The following VPS13A variants were observed in gnomAD, a reference collection of about 807,000 sequenced individuals.
VPS13A encodes the protein intermembrane lipid transfer protein VPS13A.
In VPS13A, 264 loss-of-function variants were observed where a neutral mutation model predicts 390.9. The ratio of observed to expected loss-of-function variants is 0.68; its 90% CI spans 0.61 to 0.75. VPS13A has a LOEUF of 0.75. VPS13A is among the 30% of genes least tolerant of loss of function. VPS13A has a pLI of 0.00. For synonymous variants in VPS13A, 1,231 were observed against 1,227.1 expected (o/e 1.00, Z -0.07); for missense variants, 3,409 against 3,733.9 (o/e 0.91, Z 2.27).
At chr9:77,351,727 C>T (rs993860913) in intron 53 of VPS13A, among the ~76,000 whole-genome samples, 9 of 152,056 alleles carry the variant, frequency 5.9e-5, no homozygotes, top group Admixed American at 3.3e-4. Context: ...AAATTAGCCT[C>T]GCATGGTGGC....
rs1487963301 is a variant in VPS13A at position 77,407,858 on chromosome 9, C to T, written c.9474+251C>T. Among the ~76,000 whole-genome samples, 2 of 152,050 alleles carry T rather than the reference C, an allele frequency of 1.3e-5. 1 individual carries two copies. Among genetic ancestry groups the T allele is most frequent in the Non-Finnish European group, 2.9e-5 (2 of 68,002 alleles). ...TGCTCCATCTTATTTTAAATGCTAA[C>T]TCTAATTAATTTTTTTTAATAAAAA... On this transcript the variant is annotated intron_variant, in intron 71 of 71. Transcript: ENST00000360280.
rs1205596218 is a variant in VPS13A at position 77,293,329 on chromosome 9, T to G, written c.3340-12T>G. 1 of 1,603,892 alleles carries G rather than the reference T, an allele frequency of 6.2e-7. No individual in the cohort carries two copies. The highest frequency in any genetic ancestry group is 1.1e-5 in the South Asian group (1 of 89,932). On this transcript the variant is annotated splice_polypyrimidine_tract_variant and intron_variant, in intron 31 of 71. Transcript: ENST00000360280. The stretch of plus-strand genomic sequence containing the variant: ...AAAATGGATTGTGATAATTAAATTT[T>G]CTCTTATTAAGGCTGTTTATATCAC...
At chr9:77,263,263 C>T (rs1336935849) in intron 23 of VPS13A, among the ~76,000 whole-genome samples, 8 of 152,110 alleles carry the variant, frequency 5.3e-5, no homozygotes, top group Non-Finnish European at 1.0e-4. Context: ...CTCACCACCA[C>T]GCCCAGCTAA....
At chr9:77,377,215 T>TG (rs1554675557) in intron 67 of VPS13A, among the ~76,000 whole-genome samples, 4 of 125,130 alleles carry the variant, frequency 3.2e-5, no homozygotes, top group Non-Finnish European at 5.1e-5. Flanking sequence ...TTTTTTTTTT[T>TG]TTTTTTTTTT....
intron 60 of VPS13A, 37 bp from the exon 61 acceptor site, chr9:77,366,690 A>G (rs543925727): frequency 6.5e-7 from 1 of 1,548,276 alleles, no homozygotes; most frequent in Admixed American, 1.7e-5. Flanking sequence ...CAATATGAAG[A>G]AAATACTTTT....
chr9:77,348,631 A>T (rs1004071376), intron 52 of VPS13A, among the ~76,000 whole-genome samples: 1 of 152,172 alleles, frequency 6.6e-6, no homozygotes, highest in African/African-American at 2.4e-5. Context: ...AGGAAAAAAA[A>T]AAAGAAAAAT....
At chr9:77,189,480 G>A (rs539444063) in intron 1 of VPS13A, among the ~76,000 whole-genome samples, 9 of 152,172 alleles carry the variant, frequency 5.9e-5, no homozygotes, top group African/African-American at 2.2e-4. Flanking sequence ...TTGTATCAGT[G>A]CCATGTTGTT....
At chr9:77,294,712 A>T (rs1017253326) in intron 32 of VPS13A, among the ~76,000 whole-genome samples, 1 of 151,908 alleles carries the variant, frequency 6.6e-6, no homozygotes, top group African/African-American at 2.4e-5. Context: ...CTTCTCTTTT[A>T]AAAAAAATTA....
At chr9:77,226,999 T>G (rs1283196148) in intron 15 of VPS13A, among the ~76,000 whole-genome samples, 1 of 152,168 alleles carries the variant, frequency 6.6e-6, no homozygotes, top group South Asian at 2.1e-4. Context: ...CTATCACTTA[T>G]TAGCAGTGTG....
Position 77,221,161 on chromosome 9 carries a change from A to T in VPS13A, c.990-24A>T, listed in dbSNP as rs745737129. 1.9e-6 allele frequency: 3 copies of T among 1,610,984 alleles called. No homozygotes were observed. In the South Asian group the frequency reaches 3.3e-5, roughly 18 times the overall value. On this transcript the variant is annotated intron_variant, in intron 12 of 71. Coordinates refer to ENST00000360280, the MANE Select transcript of VPS13A (RefSeq NM_033305.3). ...TTCATACTGTTGATTTGAGGGTGTT[A>T]AATGTTTTTCTTTTTTTAACTAGGT...
At chr9:77,227,991 GTGA>G in intron 16 of VPS13A, 128 bp from the exon 17 acceptor site, 1 of 662,726 alleles carries the variant, frequency 1.5e-6, no homozygotes, top group East Asian at 3.3e-5. Context: ...TGGGGTCAAT[GTGA>G]TGATTCTTGA....
intron 2 of VPS13A, 123 bp downstream of exon 2, chr9:77,200,111 A>G: frequency 1.1e-6 from 1 of 940,676 alleles, no homozygotes; most frequent in Admixed American, 2.7e-5. Flanking sequence ...TAATTTTTGC[A>G]AAATGTAAAT....
chr9:77,269,177 TG>T (rs1826215223), intron 23 of VPS13A, among the ~76,000 whole-genome samples: 1 of 152,170 alleles, frequency 6.6e-6, no homozygotes, highest in African/African-American at 2.4e-5. Flanking sequence ...TTTTTCCCTA[TG>T]TTTTTTTCTA....
intron 36 of VPS13A, 96 bp downstream of exon 36, chr9:77,314,215 T>C: frequency 7.5e-7 from 1 of 1,337,308 alleles, no homozygotes; most frequent in South Asian, 1.3e-5. Flanking sequence ...AACATTTATT[T>C]TGTAGTATCT....
chr9:77,321,359 G>T (rs1829734148), intron 43 of VPS13A, 32 bp downstream of exon 43: 1 of 1,587,024 alleles, frequency 6.3e-7, no homozygotes, highest in South Asian at 1.1e-5. Flanking sequence ...TTTAAATATT[G>T]AGATACTTGT....
At position 77,324,801 on chromosome 9, in the gene VPS13A, C is replaced by T. The variant is rs538335437; in HGVS notation, c.5991+1574C>T. ...AAGCAATCCTCCTATCTCAACCTCC[C>T]GAGCAGCAAGGACTGTAGGTGCACA... is the stretch of plus-strand genomic sequence containing the variant. On this transcript the variant is annotated intron_variant, in intron 45 of 71. Transcript: ENST00000360280. 1.2e-4 allele frequency among the ~76,000 whole-genome samples: 19 copies of T among 152,236 alleles called. 1 individual carries two copies. Among genetic ancestry groups the T allele is most frequent in the South Asian group, 1.0e-3 (5 of 4,820 alleles).
intron 3 of VPS13A, among the ~76,000 whole-genome samples, chr9:77,202,190 A>G (rs920237101): frequency 1.3e-5 from 2 of 152,100 alleles, no homozygotes; most frequent in Admixed American, 1.3e-4. Flanking sequence ...TATGGTTGGT[A>G]TTAGACCACA....
At chr9:77,360,874 G>T (rs1247923638) in intron 59 of VPS13A, among the ~76,000 whole-genome samples, 4 of 151,986 alleles carry the variant, frequency 2.6e-5, no homozygotes, top group Admixed American at 6.6e-5. Flanking sequence ...AATTTGTCAT[G>T]TTCACATCAC....
chr9:77,290,674 T>A (rs1353217565), intron 31 of VPS13A, among the ~76,000 whole-genome samples: 1 of 152,200 alleles, frequency 6.6e-6, no homozygotes, highest in Non-Finnish European at 1.5e-5. Context: ...TATCTTGACC[T>A]ATTTTCAAAT....
Sources: allele counts gnomAD v4.1 joint callset (sites outside exome capture counted in the v4.1 genomes callset), GRCh38; gene constraint gnomAD v4.1.1; transcripts MANE v1.5; gene names NCBI Gene and HGNC (gene_info 2026-07-23, HGNC 2026-07-21).